FMNL2: variants seen among roughly 807,000 people sequenced by gnomAD.
The protein encoded by FMNL2 is formin like 2, also known as formin-like protein 2.
Under a neutral mutation model 130.2 loss-of-function variants are expected in FMNL2, and 51 were observed. The observed-to-expected ratio is 0.39, with a 90% CI of 0.31 to 0.49. The LOEUF is 0.49. FMNL2 is among the 20% of genes least tolerant of loss of function. The pLI, the probability that FMNL2 is intolerant of heterozygous loss-of-function variation, is 0.85. For synonymous variants in FMNL2, 465 were observed against 467.1 expected (o/e 1.00, Z 0.06); for missense variants, 977 against 1,316.2 (o/e 0.74, Z 3.99).
intron 1 of FMNL2, among the ~76,000 whole-genome samples, chr2:152,378,381 G>T (rs1482668538): frequency 1.3e-5 from 2 of 152,164 alleles, no homozygotes; most frequent in African/African-American, 4.8e-5. Context: ...CAGAATACCA[G>T]TGGTTTTCTT....
At chr2:152,361,878 T>G (rs61079826) in intron 1 of FMNL2, among the ~76,000 whole-genome samples, 2 of 152,166 alleles carry the variant, frequency 1.3e-5, no homozygotes, top group East Asian at 3.9e-4. Context: ...ATTTTAGTCT[T>G]GTTACTATAA....
chr2:152,382,197 C>T (rs1224044442), intron 1 of FMNL2, among the ~76,000 whole-genome samples: 1 of 152,164 alleles, frequency 6.6e-6, no homozygotes, highest in African/African-American at 2.4e-5. Context: ...TTAATAGAAA[C>T]ACACATTAAT....
chr2:152,374,404 C>T (rs890639739), intron 1 of FMNL2, among the ~76,000 whole-genome samples: 11 of 152,056 alleles, frequency 7.2e-5, no homozygotes, highest in South Asian at 2.1e-4. Flanking sequence ...GCCTTTAGCA[C>T]GCAGATTTTC....
intron 15 of FMNL2, among the ~76,000 whole-genome samples, chr2:152,623,582 T>C (rs1282711530): frequency 6.6e-6 from 1 of 152,166 alleles, no homozygotes; most frequent in Non-Finnish European, 1.5e-5. Context: ...TAACGCCAAC[T>C]GAGGCAGGCA....
intron 5 of FMNL2, among the ~76,000 whole-genome samples, chr2:152,560,125 A>T (rs2105593323): frequency 6.6e-6 from 1 of 151,042 alleles, no homozygotes; most frequent in African/African-American, 2.4e-5. Flanking sequence ...CTGTCTGATC[A>T]GGTGTTGCTA....
At chr2:152,482,095 A>G (rs1209337222) in intron 1 of FMNL2, among the ~76,000 whole-genome samples, 1 of 152,176 alleles carries the variant, frequency 6.6e-6, no homozygotes, top group Non-Finnish European at 1.5e-5. Flanking sequence ...CAGCAGTCTT[A>G]CCTTTCTCTG....
At chr2:152,373,963 A>G (rs1684030132) in intron 1 of FMNL2, among the ~76,000 whole-genome samples, 1 of 152,122 alleles carries the variant, frequency 6.6e-6, no homozygotes, top group Non-Finnish European at 1.5e-5. Flanking sequence ...TGCATACAAA[A>G]CAGTAGATTT....
At chr2:152,395,309 A>G (rs1685333668) in intron 1 of FMNL2, among the ~76,000 whole-genome samples, 1 of 152,222 alleles carries the variant, frequency 6.6e-6, no homozygotes, top group Admixed American at 6.5e-5. Context: ...AGTGCTTAGG[A>G]TACAGATTAC....
intron 1 of FMNL2, among the ~76,000 whole-genome samples, chr2:152,433,605 A>C (rs1687604582): frequency 6.6e-6 from 1 of 152,186 alleles, no homozygotes; most frequent in Non-Finnish European, 1.5e-5. Context: ...GCCCCTGGAC[A>C]CAGTGCTTGG....
At chr2:152,633,824 A>G (rs1287526181) in intron 21 of FMNL2, among the ~76,000 whole-genome samples, 1 of 152,246 alleles carries the variant, frequency 6.6e-6, no homozygotes, top group African/African-American at 2.4e-5. Context: ...TGTCATTTGA[A>G]AAACATCGGT....
At position 152,632,113 on chromosome 2, in the gene FMNL2, C is replaced by T; in HGVS notation, c.2656C>T (p.His886Tyr). Residue 886 changes from histidine to tyrosine, a missense_variant, in exon 21 of 26, where the codon CAT (histidine) becomes TAT (tyrosine). Transcript: ENST00000288670. ...AGTGTCCCTGTTTTATAATGAGCTT[C>T]ATTATGTGGAAAAAGCTGCTGCAGG... ...HQVSLFYNELHYVEKAAAVSL... is the reference protein window; with the variant it reads ...HQVSLFYNELYYVEKAAAVSL... 1 of 1,611,674 alleles carries T rather than the reference C, an allele frequency of 6.2e-7. No homozygotes were observed. Among genetic ancestry groups the T allele is most frequent in the Non-Finnish European group, 8.5e-7 (1 of 1,178,926 alleles).
At chr2:152,368,636 G>A (rs2105849292) in intron 1 of FMNL2, among the ~76,000 whole-genome samples, 1 of 152,044 alleles carries the variant, frequency 6.6e-6, no homozygotes, top group South Asian at 2.1e-4. Context: ...AAGGAATGAT[G>A]GAAAGAGGGA....
At chr2:152,376,177 G>A (rs1169914153) in intron 1 of FMNL2, among the ~76,000 whole-genome samples, 4 of 152,116 alleles carry the variant, frequency 2.6e-5, no homozygotes, top group African/African-American at 9.7e-5. Context: ...TTACAGGCAT[G>A]AGCCACTGTG....
At chr2:152,443,297 A>G (rs1688162569) in intron 1 of FMNL2, among the ~76,000 whole-genome samples, 2 of 152,140 alleles carry the variant, frequency 1.3e-5, no homozygotes, top group East Asian at 1.9e-4. Flanking sequence ...CTGTCGGTGC[A>G]CTAGCCTTCA....
chr2:152,401,199 G>A (rs1685674206), intron 1 of FMNL2, among the ~76,000 whole-genome samples: 2 of 152,304 alleles, frequency 1.3e-5, no homozygotes, highest in South Asian at 4.1e-4. Context: ...AAAGTTTGGG[G>A]AATTTATCAG....
chr2:152,571,868 T>G (rs1217650096), intron 6 of FMNL2, among the ~76,000 whole-genome samples: 1 of 149,572 alleles, frequency 6.7e-6, no homozygotes, highest in Non-Finnish European at 1.5e-5. Context: ...GCGGTTTGAA[T>G]GTTAATTGGT....
intron 14 of FMNL2, 96 bp from the exon 15 acceptor site, chr2:152,619,413 T>G: frequency 6.6e-7 from 1 of 1,518,938 alleles, no homozygotes; most frequent in South Asian, 1.3e-5. Context: ...TCCTTTTAAG[T>G]GTGTTGTTTT....
Position 152,619,589 on chromosome 2 carries a change from C to G in FMNL2, c.1708C>G (p.Pro570Ala). 1 of 1,567,904 alleles carries G rather than the reference C, an allele frequency of 6.4e-7. No homozygotes were observed. The highest frequency in any genetic ancestry group is 1.4e-5 in the African/African-American group (1 of 72,872). Residue 570 changes from proline to alanine, a missense_variant, in exon 15 of 26, where the codon CCG (proline) becomes GCG (alanine). Coordinates refer to ENST00000288670, the MANE Select transcript of FMNL2 (RefSeq NM_052905.4). ...ACCTCCTCCTCCCCCACCGCCCCCT[C>G]CGCCTCCTCCTCTCCCAGGCCCTGC... is the stretch of plus-strand genomic sequence containing the variant. ...PPPPPPPPPP[P>A]PPPLPGPAAE...
intron 1 of FMNL2, among the ~76,000 whole-genome samples, chr2:152,383,242 A>G (rs1684583073): frequency 1.4e-5 from 2 of 145,582 alleles, no homozygotes; most frequent in Admixed American, 1.4e-4. Context: ...ATCTAGTGGA[A>G]ACTTTTTAGG....
Sources: gnomAD v4.1 joint callset for allele counts (sites outside exome capture counted in the v4.1 genomes callset) on GRCh38, gnomAD v4.1.1 for gene constraint, MANE v1.5 for transcripts, NCBI Gene and HGNC (gene_info 2026-07-23, HGNC 2026-07-21) for gene names.